Variants in TAF1 observed in about 807,000 individuals in gnomAD.
TAF1 encodes transcription initiation factor TFIID subunit 1.
A neutral mutation model predicts 138.5 loss-of-function variants in TAF1; 2 were observed. The ratio of observed to expected loss-of-function variants is 0.01; its 90% CI spans 0.01 to 0.05. The LOEUF is 0.05. TAF1 is among the 10% of genes least tolerant of loss of function. The pLI is 1.00. For synonymous variants in TAF1, 437 were observed against 503.2 expected (o/e 0.87, Z 1.76); for missense variants, 709 against 1,478.0 (o/e 0.48, Z 8.53).
At chrX:71,373,451 A>G (rs1056961129) in intron 3 of TAF1, among the ~76,000 whole-genome samples, 1 of 111,389 alleles carries the variant, frequency 9.0e-6, no homozygotes. Context: ...TACAGGTGTG[A>G]GCCACCTCAC....
Position 71,382,057 on chromosome X carries a change from T to G in TAF1, c.1537+138T>G. ...GTAGCGGCTTGAGAGAGCGAAGTTT[T>G]GGCTGTTAGTTTATATTATTTGTGT... On this transcript the variant is annotated intron_variant, in intron 9 of 37. Coordinates refer to ENST00000423759, the MANE Select transcript of TAF1 (RefSeq NM_004606.5). 3 of 700,474 alleles carry G rather than the reference T, an allele frequency of 4.3e-6. No individual in the cohort carries two copies. In the South Asian group the frequency reaches 1.5e-4, roughly 34 times the overall value. The allele number at this position is 700,474 out of a possible 1,213,427, so 57.7% of individuals were successfully genotyped here. A position where few individuals can be genotyped will look rare whatever the true frequency, so the allele number is the denominator to read the frequency against.
At chrX:71,431,452 G>A (rs1164619880) in intron 32 of TAF1, among the ~76,000 whole-genome samples, 3 of 110,741 alleles carry the variant, frequency 2.7e-5, no homozygotes, top group Non-Finnish European at 5.7e-5. Flanking sequence ...AGGGAGTAGG[G>A]TACATTCCTT....
intron 2 of TAF1, 105 bp from the exon 3 acceptor site, chrX:71,367,949 G>C: frequency 1.1e-6 from 1 of 894,076 alleles, no homozygotes; most frequent in South Asian, 2.2e-5. Context: ...GGGATTACAG[G>C]CGTGAGCCAC....
chrX:71,410,278 G>A (rs931996963), intron 28 of TAF1, among the ~76,000 whole-genome samples: 1 of 109,829 alleles, frequency 9.1e-6, no homozygotes, highest in African/African-American at 3.3e-5. Context: ...CAGGCCCGTA[G>A]TGTTTAAATA....
downstream of TAF1, among the ~76,000 whole-genome samples, chrX:71,468,281 C>G (rs188022249): frequency 1.9e-3 from 208 of 109,536 alleles, 3 homozygotes; most frequent in Non-Finnish European, 3.4e-4. Flanking sequence ...TTTTCATACC[C>G]TTGCATCTAG....
intron 6 of TAF1, 57 bp from the exon 7 acceptor site, chrX:71,378,178 C>T (rs1285651783): frequency 1.8e-6 from 2 of 1,135,147 alleles, no homozygotes; most frequent in Admixed American, 2.3e-5. Flanking sequence ...TCTCTATAGC[C>T]TTAGGACATC....
Position 71,378,287 on chromosome X carries a change from T to A in TAF1, c.986T>A (p.Ile329Lys). The stretch of plus-strand genomic sequence containing the variant: ...AAATTTTCCCAATCAACTGGAGATA[T>A]AGATAAAGTGACAGATACCAAACCA... ...ESKFSQSTGD[I>K]DKVTDTKPRV... Residue 329 changes from isoleucine to lysine, a missense_variant, in exon 7 of 38, where the codon ATA becomes AAA. This residue lies in a region of TAF1 where 201 missense variants were observed against 421.3 expected (regional missense o/e 0.48). Transcript: ENST00000423759. The A allele has an allele frequency of 8.3e-7, 1 of 1,211,692 alleles. No homozygotes were observed. Among genetic ancestry groups the A allele is most frequent in the Non-Finnish European group, 1.1e-6 (1 of 895,532 alleles).
intron 4 of TAF1, among the ~76,000 whole-genome samples, chrX:71,376,666 C>CA (rs112839503): frequency 3.2e-3 from 250 of 77,124 alleles, no homozygotes; most frequent in Middle Eastern, 0.022. Flanking sequence ...GACTCTGTCT[C>CA]AAAAAAAAAA....
downstream of TAF1, among the ~76,000 whole-genome samples, chrX:71,468,189 C>A (rs981856763): frequency 8.3e-5 from 9 of 108,139 alleles, no homozygotes; most frequent in African/African-American, 3.0e-4. Context: ...CCCAGGAGAT[C>A]GAGGCTGCAG....
chrX:71,443,203 C>T (rs1162983320), intron 32 of TAF1, among the ~76,000 whole-genome samples: 2 of 111,825 alleles, frequency 1.8e-5, no homozygotes, highest in South Asian at 3.7e-4. Flanking sequence ...TGAAGAAAGT[C>T]ATTAGTAGCT....
At chrX:71,525,945 G>A (rs1202225256) in intron 13 of TAF1, among the ~76,000 whole-genome samples, 1 of 109,885 alleles carries the variant, frequency 9.1e-6, no homozygotes, top group African/African-American at 3.3e-5. Context: ...GATTACAGGT[G>A]TGAGCCACTG....
chrX:71,387,182 T>C, intron 14 of TAF1, 79 bp from the exon 15 acceptor site: 1 of 1,023,018 alleles, frequency 9.8e-7, no homozygotes. Flanking sequence ...AGCAATAAGC[T>C]TGGTATTTCT....
intron 13 of TAF1, among the ~76,000 whole-genome samples, chrX:71,503,358 A>ATATG (rs1318443386): frequency 9.9e-6 from 1 of 101,290 alleles, no homozygotes; most frequent in African/African-American, 3.7e-5. Context: ...ATATATATAT[A>ATATG]TATACACACA....
Position 71,397,161 on chromosome X carries a change from T to C in TAF1, c.3407-92T>C. The C allele has an allele frequency of 4.4e-6, 4 of 913,677 alleles. No individual in the cohort carries two copies. In the Admixed American group the frequency reaches 8.0e-5, roughly 18 times the overall value. The allele number at this position is 913,677 out of a possible 1,213,427, so 75.3% of individuals were successfully genotyped here. A position where few individuals can be genotyped will look rare whatever the true frequency, so the allele number is the denominator to read the frequency against. On this transcript the variant is annotated intron_variant, in intron 22 of 37. Coordinates refer to ENST00000423759, the MANE Select transcript of TAF1 (RefSeq NM_004606.5). ...TTTGTAGAACCATAGTTTTGTGGCA[T>C]GTTGAACTTTGATAGCTCCACTCAA...
chrX:71,393,217 G>A lies in TAF1; in HGVS notation c.3052-84G>A. The A allele has an allele frequency of 2.7e-6, 3 of 1,097,711 alleles. No individual in the cohort carries two copies. In the South Asian group the frequency reaches 6.7e-5, roughly 25 times the overall value. 90.5% of individuals were successfully genotyped at this position (1,097,711 alleles called of 1,213,427 possible). ...CATTGGCTTGTCCTTTGAAATCCCT[G>A]AATGATTTGTGTGTGTGTGTGTGTG... On this transcript the variant is annotated intron_variant, in intron 20 of 37. Coordinates refer to ENST00000423759, the MANE Select transcript of TAF1 (RefSeq NM_004606.5).
intron 13 of TAF1, among the ~76,000 whole-genome samples, chrX:71,499,693 C>T (rs2039461514): frequency 9.0e-6 from 1 of 111,550 alleles, no homozygotes; most frequent in Non-Finnish European, 1.9e-5. Context: ...GGGATCCATA[C>T]TGGGGACGGC....
rs2038652232 is a variant in TAF1, at chrX:71,463,810, G to T, written c.5400-14G>T. 8.3e-7 allele frequency: 1 copy of T among 1,201,977 alleles called. No homozygotes were observed. Among genetic ancestry groups the T allele is most frequent in the African/African-American group, 1.8e-5 (1 of 56,981 alleles). The stretch of plus-strand genomic sequence containing the variant: ...GGTGTCCGAGCTTGAGAGATGACAT[G>T]TTTCTCTTCTCAGTTATGGGAGCTA... On this transcript the variant is annotated splice_polypyrimidine_tract_variant and intron_variant, in intron 37 of 37. Coordinates refer to ENST00000423759, the MANE Select transcript of TAF1 (RefSeq NM_004606.5).
At chrX:71,476,052 A>G (rs1399772881) in intron 13 of TAF1, among the ~76,000 whole-genome samples, 3 of 111,834 alleles carry the variant, frequency 2.7e-5, no homozygotes, top group Non-Finnish European at 5.6e-5. Flanking sequence ...AGATGCCAGC[A>G]CCACGCTTCC....
At chrX:71,496,641 C>A (rs2039401625) in intron 13 of TAF1, among the ~76,000 whole-genome samples, 1 of 109,664 alleles carries the variant, frequency 9.1e-6, no homozygotes, top group African/African-American at 3.3e-5. Flanking sequence ...TCCTCTCTTT[C>A]CTTCTCTCTT....
Sources: allele counts gnomAD v4.1 joint callset (sites outside exome capture counted in the v4.1 genomes callset), GRCh38; gene constraint gnomAD v4.1.1; regional missense constraint gnomAD v4.1.1; transcripts MANE v1.5; gene names NCBI Gene and HGNC (gene_info 2026-07-23, HGNC 2026-07-21).